The following BIRC6 variants were observed in gnomAD, a reference collection of about 807,000 sequenced individuals.
BIRC6 encodes the protein baculoviral IAP repeat containing 6.
A neutral mutation model predicts 503.3 loss-of-function variants in BIRC6; 98 were observed. The observed-to-expected ratio is 0.19, with a 90% confidence interval of 0.17 to 0.23. The LOEUF (loss-of-function observed/expected upper bound fraction) is 0.23, where lower values mean the gene tolerates loss of function less well. Among genes scored for constraint, BIRC6 ranks in the 10% least tolerant of loss-of-function variants. The probability of loss-of-function intolerance (pLI) is 1.00; values close to 1 mark genes in which losing one functional copy is unlikely to be tolerated. For synonymous variants in BIRC6, 2,240 were observed against 2,078.7 expected (o/e 1.08, Z -2.11); for missense variants, 5,360 against 5,806.0 (o/e 0.92, Z 2.50).
At chr2:32,578,912 A>G (rs1243263298) in intron 66 of BIRC6, among the ~76,000 whole-genome samples, 1 of 148,616 alleles carries the variant, frequency 6.7e-6, no homozygotes, top group African/African-American at 2.5e-5. Context: ...AATAAAGTAC[A>G]TGTATTTGGT....
chr2:32,518,831 A>G lies in BIRC6; in HGVS notation c.11508A>G (p.Arg3836=), dbSNP rs745599289. The part of the protein sequence containing the change: ...LQSPCPLYKG[R]INATSHVIQH... The stretch of plus-strand genomic sequence containing the variant: ...TTGATTTTCAGCTGTACAAAGGTAG[A>G]ATTAATGCTACTAGCCACGTCATCC... The change falls in exon 57 of 74, where the codon AGA becomes AGG. Residue 3836 remains arginine (R), a synonymous_variant. Transcript: ENST00000421745. 2 of 1,613,380 alleles carry G rather than the reference A, an allele frequency of 1.2e-6. No homozygotes were observed. The highest frequency in any genetic ancestry group is 1.7e-5 in the Admixed American group (1 of 60,024).
chr2:32,539,793 A>C (rs928761078), intron 61 of BIRC6, among the ~76,000 whole-genome samples: 6 of 152,240 alleles, frequency 3.9e-5, no homozygotes, highest in African/African-American at 1.4e-4. Flanking sequence ...GCAAGGAATT[A>C]CTACAGTAAG....
At position 32,468,699 on chromosome 2, in the gene BIRC6, A is replaced by T; in HGVS notation, c.6043A>T (p.Ile2015Phe). 1 of 1,613,970 alleles carries T rather than the reference A, an allele frequency of 6.2e-7. No individual in the cohort carries two copies. Among genetic ancestry groups the T allele is most frequent in the Non-Finnish European group, 8.5e-7 (1 of 1,179,830 alleles). ...TGAAACATCAAATCCAGAAGATTTA[A>T]TTCAGACATCTTCCACAGAGCAGTT... The part of the protein sequence containing the change: ...LSETSNPEDL[I>F]QTSSTEQLRT... The change falls in exon 29 of 74, where the codon ATT becomes TTT. Residue 2015 changes from isoleucine to phenylalanine, a missense_variant. Coordinates refer to ENST00000421745, the MANE Select transcript of BIRC6 (RefSeq NM_016252.4).
At chr2:32,506,860 A>G (rs979718102) in intron 50 of BIRC6, among the ~76,000 whole-genome samples, 1 of 152,160 alleles carries the variant, frequency 6.6e-6, no homozygotes, top group Non-Finnish European at 1.5e-5. Context: ...GCTTGTGTAA[A>G]ATGTAGATAA....
At chr2:32,583,915 A>G (rs558747420) in intron 66 of BIRC6, among the ~76,000 whole-genome samples, 1 of 152,198 alleles carries the variant, frequency 6.6e-6, no homozygotes, top group East Asian at 1.9e-4. Context: ...GTATTTTTGT[A>G]GAGACGGAGG....
intron 33 of BIRC6, among the ~76,000 whole-genome samples, chr2:32,473,812 G>C (rs1361893981): frequency 7.1e-6 from 1 of 141,800 alleles, no homozygotes; most frequent in Non-Finnish European, 1.5e-5. Context: ...GAGTGCAGTG[G>C]AACAATCATA....
At chr2:32,602,135 C>T (rs2062105994) in intron 70 of BIRC6, among the ~76,000 whole-genome samples, 1 of 152,142 alleles carries the variant, frequency 6.6e-6, no homozygotes, top group East Asian at 1.9e-4. Context: ...GAGATATTTG[C>T]ACTGCTGTTT....
At chr2:32,472,138 C>T (rs569675378) in intron 32 of BIRC6, among the ~76,000 whole-genome samples, 16 of 152,352 alleles carry the variant, frequency 1.1e-4, no homozygotes, top group African/African-American at 3.4e-4. Flanking sequence ...ACGATCTCAG[C>T]TCACTGCAAC....
intron 10 of BIRC6, among the ~76,000 whole-genome samples, chr2:32,417,621 G>T (rs989138105): frequency 6.6e-6 from 1 of 152,138 alleles, no homozygotes; most frequent in African/African-American, 2.4e-5. Flanking sequence ...ATTAGGATCT[G>T]AGCAGAGTTA....
intron 73 of BIRC6, among the ~76,000 whole-genome samples, chr2:32,612,136 G>A (rs558940574): frequency 8.5e-5 from 13 of 152,256 alleles, no homozygotes; most frequent in African/African-American, 3.1e-4. Flanking sequence ...CCAAATCACT[G>A]GAATTATAGG....
intron 1 of BIRC6, among the ~76,000 whole-genome samples, chr2:32,365,621 A>G (rs761585751): frequency 1.3e-5 from 2 of 151,844 alleles, no homozygotes; most frequent in Non-Finnish European, 2.9e-5. Context: ...GCCCGGTCCT[A>G]CTTTTTGTTT....
At chr2:32,482,787 C>G (rs929707615) in intron 39 of BIRC6, among the ~76,000 whole-genome samples, 2 of 152,070 alleles carry the variant, frequency 1.3e-5, no homozygotes, top group Non-Finnish European at 2.9e-5. Context: ...CAGAATAACA[C>G]CTAGCAAGTG....
chr2:32,501,571 A>T, intron 46 of BIRC6, 142 bp from the exon 47 acceptor site: 1 of 573,386 alleles, frequency 1.7e-6, no homozygotes, highest in Admixed American at 3.5e-5. Flanking sequence ...TTGTTTCACC[A>T]TGTTGGCCAG....
intron 31 of BIRC6, 92 bp downstream of exon 31, chr2:32,470,393 A>G: frequency 8.2e-7 from 1 of 1,212,610 alleles, no homozygotes; most frequent in Non-Finnish European, 1.1e-6. Context: ...TTTAATAATT[A>G]TTTGCAGCAC....
chr2:32,509,301 A>G (rs2054141415), intron 51 of BIRC6, among the ~76,000 whole-genome samples: 1 of 152,086 alleles, frequency 6.6e-6, no homozygotes, highest in African/African-American at 2.4e-5. Context: ...GTCGCCCAGG[A>G]TGGAGTGCAG....
intron 34 of BIRC6, 51 bp from the exon 35 acceptor site, chr2:32,477,317 A>C (rs1415043171): frequency 1.1e-5 from 18 of 1,568,590 alleles, no homozygotes; most frequent in Non-Finnish European, 1.4e-5. Context: ...ATACTGAAAA[A>C]ATTTTCATTA....
intron 66 of BIRC6, among the ~76,000 whole-genome samples, chr2:32,589,556 A>G (rs2061275136): frequency 6.6e-6 from 1 of 152,130 alleles, no homozygotes; most frequent in Non-Finnish European, 1.5e-5. Flanking sequence ...TGCTTCTTAT[A>G]CCTAAAAATG....
chr2:32,419,386 T>C (rs2042709680), intron 10 of BIRC6, among the ~76,000 whole-genome samples: 1 of 152,152 alleles, frequency 6.6e-6, no homozygotes, highest in South Asian at 2.1e-4. Context: ...AATGTAGATT[T>C]GTTAAGCTAT....
chr2:32,545,845 C>G lies in BIRC6; in HGVS notation c.12795C>G (p.Ser4265Arg), dbSNP rs775276590. ...ATTCCCCACGAGTTCCAAACTCTAG[C>G]GTGAATCAAACTGAGGTAGGTTCAC... ...SHHSPRVPNS[S>R]VNQTEPQVSS... is the part of the protein sequence containing the mutation. The change falls in exon 63 of 74, where the codon AGC (serine) becomes AGG (arginine). Residue 4265 changes from serine (S) to arginine (R), a missense_variant. Physicochemically the swap from Ser to Arg is moderately radical, Grantham distance 110 (BLOSUM62 -1). Coordinates refer to ENST00000421745, the MANE Select transcript of BIRC6 (RefSeq NM_016252.4). The G allele has an allele frequency of 6.2e-7, 1 of 1,612,864 alleles. No homozygotes were observed. Among genetic ancestry groups the G allele is most frequent in the South Asian group, 1.1e-5 (1 of 91,032 alleles).
Sources: allele counts gnomAD v4.1 joint callset (sites outside exome capture counted in the v4.1 genomes callset), GRCh38; gene constraint gnomAD v4.1.1; transcripts MANE v1.5; gene names NCBI Gene and HGNC (gene_info 2026-07-23, HGNC 2026-07-21).